Variants in AMOTL1 observed in about 807,000 individuals in gnomAD.
AMOTL1 encodes the protein angiomotin like 1.
In AMOTL1, 45 loss-of-function variants were observed where a neutral mutation model predicts 102.9. The ratio of observed to expected loss-of-function variants is 0.44; its 90% CI spans 0.34 to 0.56. AMOTL1 has a LOEUF of 0.56. AMOTL1 is among the 20% of genes least tolerant of loss of function. The pLI, the probability that AMOTL1 is intolerant of heterozygous loss-of-function variation, is 0.01. For synonymous variants in AMOTL1, 481 were observed against 484.7 expected (o/e 0.99, Z 0.10); for missense variants, 1,114 against 1,225.6 (o/e 0.91, Z 1.36).
Position 94,795,007 on chromosome 11 carries a change from C to T in AMOTL1, c.50-4C>T, listed in dbSNP as rs1480436054. The T allele has an allele frequency of 6.3e-7, 1 of 1,599,610 alleles. No homozygotes were observed. Among genetic ancestry groups the T allele is most frequent in the East Asian group, 2.2e-5 (1 of 44,500 alleles). ...TCATATTCACTTCGCTTTCTTTCCC[C>T]CAGGGTCCCCTTCTGCTTGTTATAG... On this transcript the variant is annotated splice_region_variant and splice_polypyrimidine_tract_variant and intron_variant, in intron 1 of 12. Coordinates refer to ENST00000433060, the MANE Select transcript of AMOTL1 (RefSeq NM_130847.3).
intron 1 of AMOTL1, among the ~76,000 whole-genome samples, chr11:94,794,462 G>A (rs1323926687): frequency 1.3e-5 from 2 of 152,196 alleles, no homozygotes; most frequent in Admixed American, 6.5e-5. Context: ...CAGAAGACCA[G>A]ACCCCATTGC....
intron 1 of AMOTL1, among the ~76,000 whole-genome samples, chr11:94,781,591 A>G (rs1489459159): frequency 6.6e-6 from 1 of 152,130 alleles, no homozygotes; most frequent in Non-Finnish European, 1.5e-5. Flanking sequence ...TAATCCCAGC[A>G]CTTTGGGAGG....
At chr11:94,841,075 G>A (rs1952291877) in intron 6 of AMOTL1, among the ~76,000 whole-genome samples, 1 of 151,960 alleles carries the variant, frequency 6.6e-6, no homozygotes, top group Non-Finnish European at 1.5e-5. Context: ...CTCTGCACAG[G>A]AGCCAAATCG....
At chr11:94,820,650 A>G (rs923006805) in intron 3 of AMOTL1, among the ~76,000 whole-genome samples, 6 of 152,258 alleles carry the variant, frequency 3.9e-5, no homozygotes, top group East Asian at 1.9e-4. Context: ...TTATTATTAC[A>G]TTGTAATATA....
rs181411899 is a variant in AMOTL1 at position 94,873,923 on chromosome 11, C to T, written c.*3128C>T. ...TTATTGTGTTCCACCAGAAGCACAG[C>T]TCCAAACTATACCTAAAAAATATTT... On this transcript the variant is annotated 3_prime_UTR_variant, in exon 13 of 13. Transcript: ENST00000433060. 3.8e-4 allele frequency: 58 copies of T among 152,366 alleles called. No individual in the cohort carries two copies. Among genetic ancestry groups the T allele is most frequent in the African/African-American group, 1.3e-3 (54 of 41,582 alleles). 9.4% of individuals were successfully genotyped at this position (152,366 alleles called of 1,614,324 possible).
At chr11:94,811,096 C>A in intron 3 of AMOTL1, among the ~76,000 whole-genome samples, 1 of 152,182 alleles carries the variant, frequency 6.6e-6, no homozygotes, top group East Asian at 1.9e-4. Context: ...CCTTTAGCTA[C>A]TGAACTGCAG....
chr11:94,850,197 A>C lies in AMOTL1; in HGVS notation c.1732A>C (p.Ile578Leu). Residue 578 changes from isoleucine (I) to leucine (L), a missense_variant, in exon 7 of 13, where the codon ATC (isoleucine) becomes CTC (leucine). Coordinates refer to ENST00000433060, the MANE Select transcript of AMOTL1 (RefSeq NM_130847.3). ...TGCAAGTGAGGACCATCGGAGACAC[A>C]TCGAGATCCTGGACCAGGCTTTGAG... ...RTASEDHRRH[I>L]EILDQALSNA... The C allele has an allele frequency of 6.3e-7, 1 of 1,595,136 alleles. No homozygotes were observed. The highest frequency in any genetic ancestry group is 8.5e-7 in the Non-Finnish European group (1 of 1,170,598).
intron 2 of AMOTL1, chr11:94,796,991 G>T (rs1318767472): frequency 1.0e-6 from 1 of 985,244 alleles, no homozygotes; most frequent in Non-Finnish European, 1.2e-6. Context: ...CGTGGCAGTT[G>T]ATTAAATGTG....
intron 1 of AMOTL1, among the ~76,000 whole-genome samples, chr11:94,785,837 T>C (rs1195017018): frequency 6.6e-6 from 1 of 152,216 alleles, no homozygotes; most frequent in Non-Finnish European, 1.5e-5. Context: ...ATTTCATGTC[T>C]GGAGGGTTAT....
At chr11:94,749,572 G>A (rs1591927333) in intron 3 of AMOTL1, among the ~76,000 whole-genome samples, 1 of 152,276 alleles carries the variant, frequency 6.6e-6, no homozygotes, top group East Asian at 1.9e-4. Context: ...TCCTCATAGT[G>A]ACTAGCCCCA....
chr11:94,773,971 A>G (rs2851589), intron 1 of AMOTL1, among the ~76,000 whole-genome samples: 138,845 of 152,252 alleles, frequency 0.91, 63,778 homozygotes, highest in Non-Finnish European at 0.99. Flanking sequence ...GGAATTGTAC[A>G]TGCTGAAGCC....
chr11:94,742,022 C>A (rs1950534420), intron 3 of AMOTL1, among the ~76,000 whole-genome samples: 1 of 152,192 alleles, frequency 6.6e-6, no homozygotes, highest in Non-Finnish European at 1.5e-5. Flanking sequence ...TCCACCTCAA[C>A]AACGACTTTC....
chr11:94,828,508 A>G (rs1384291991), intron 4 of AMOTL1, among the ~76,000 whole-genome samples: 1 of 151,952 alleles, frequency 6.6e-6, no homozygotes, highest in Non-Finnish European at 1.5e-5. Context: ...TCCCCTGCCC[A>G]TAATTTAAAG....
chr11:94,731,144 G>T (rs1250223197), intron 2 of AMOTL1, among the ~76,000 whole-genome samples: 1 of 152,186 alleles, frequency 6.6e-6, no homozygotes, highest in Non-Finnish European at 1.5e-5. Context: ...TAAAGAGAAG[G>T]TACTGCTTTT....
chr11:94,733,287 G>A (rs1052175510), intron 2 of AMOTL1, among the ~76,000 whole-genome samples: 1 of 152,210 alleles, frequency 6.6e-6, no homozygotes, highest in Non-Finnish European at 1.5e-5. Context: ...ACTCTGTAGT[G>A]AACAGATGCA....
rs1385027173 is a variant in AMOTL1, at chr11:94,873,023, AGCCCC to A, written c.*2229_*2233del. 2.0e-5 allele frequency: 3 copies of A among 152,226 alleles called. No homozygotes were observed. Among genetic ancestry groups the A allele is most frequent in the Non-Finnish European group, 4.4e-5 (3 of 68,042 alleles). 9.4% of individuals were successfully genotyped at this position (152,226 alleles called of 1,614,324 possible). A position where few individuals can be genotyped will look rare whatever the true frequency, so the allele number is the denominator to read the frequency against. ...GATAGGAAGGTAAATCAACTCTGCC[AGCCCC>A]TACCATCAGGTCTGGGCCACCCCAA... is the stretch of plus-strand genomic sequence containing the variant. On this transcript the variant is annotated 3_prime_UTR_variant, in exon 13 of 13. Transcript: ENST00000433060.
chr11:94,708,919 G>A (rs1228034181), intron 1 of AMOTL1, among the ~76,000 whole-genome samples: 1 of 152,058 alleles, frequency 6.6e-6, no homozygotes, highest in Admixed American at 6.6e-5. Context: ...AAATACCTGC[G>A]GACAGAGTGT....
At chr11:94,795,200 T>A in intron 2 of AMOTL1, 40 bp downstream of exon 2, 1 of 1,606,704 alleles carries the variant, frequency 6.2e-7, no homozygotes, top group Non-Finnish European at 8.5e-7. Flanking sequence ...AAAAGCAAAA[T>A]GATCTTACGT....
chr11:94,794,203 A>G (rs1308429121), intron 1 of AMOTL1, among the ~76,000 whole-genome samples: 1 of 152,240 alleles, frequency 6.6e-6, no homozygotes, highest in Non-Finnish European at 1.5e-5. Context: ...AAAATAAGTT[A>G]CTTTAGCTGA....
Sources: gnomAD v4.1 joint callset for allele counts (sites outside exome capture counted in the v4.1 genomes callset) on GRCh38, gnomAD v4.1.1 for gene constraint, MANE v1.5 for transcripts, NCBI Gene and HGNC (gene_info 2026-07-23, HGNC 2026-07-21) for gene names.